The following SIRPG variants were observed in gnomAD, a reference collection of about 807,000 sequenced individuals.
SIRPG encodes the protein signal regulatory protein gamma, also known as signal-regulatory protein gamma.
SIRPG carries 38 observed loss-of-function variants against 35.7 expected under a neutral mutation model. The ratio of observed to expected loss-of-function variants is 1.06; its 90% CI spans 0.82 to 1.40. SIRPG has a LOEUF of 1.40. Ranked by LOEUF, SIRPG falls within the 40% of genes most tolerant of loss-of-function variation. SIRPG has a pLI of 0.00. For missense variants in SIRPG, 519 were observed against 483.0 expected (o/e 1.07, Z -0.70); for synonymous variants, 215 against 190.4 (o/e 1.13, Z -1.06).
intron 1 of SIRPG, among the ~76,000 whole-genome samples, chr20:1,654,236 T>TA (rs78737562): frequency 0.042 from 4,893 of 115,414 alleles, 118 homozygotes; most frequent in Middle Eastern, 0.088. Flanking sequence ...AGACTGCATC[T>TA]AAAAAAAAAA....
the SIRPG span, among the ~76,000 whole-genome samples, chr20:1,664,341 G>C: frequency 7.9e-5 from 12 of 152,110 alleles, no homozygotes; most frequent in African/African-American, 2.9e-4. Context: ...CTGGGATGGG[G>C]GTTCATTTGT....
chr20:1,634,461 C>T (rs2122423638), intron 4 of SIRPG, among the ~76,000 whole-genome samples: 1 of 151,514 alleles, frequency 6.6e-6, no homozygotes, highest in South Asian at 2.1e-4. Flanking sequence ...CCCGCCTCGG[C>T]CTCCCAAAGT....
chr20:1,668,491 C>T, the SIRPG span, among the ~76,000 whole-genome samples: 1 of 151,988 alleles, frequency 6.6e-6, no homozygotes, highest in Non-Finnish European at 1.5e-5. Context: ...ACCATGTTGG[C>T]CAGGCTGGTC....
chr20:1,651,713 A>G (rs2091941221), intron 1 of SIRPG, among the ~76,000 whole-genome samples: 1 of 151,986 alleles, frequency 6.6e-6, no homozygotes, highest in African/African-American at 2.4e-5. Flanking sequence ...TGGCTCCACA[A>G]TTTGAGAAGG....
At position 1,657,737 on chromosome 20, in the gene SIRPG, T is replaced by C. The variant is rs766261413; in HGVS notation, c.-23A>G. 1.1e-5 allele frequency: 18 copies of C among 1,611,220 alleles called. No individual in the cohort carries two copies. The East Asian group carries it at 4.0e-4, about 36-fold the overall frequency. ...CATTTTGGAGACCTCAGAAGCCTGC[T>C]CTGTTCAAACGTCTGTTCTGGGGAG... On this transcript the variant is annotated 5_prime_UTR_variant, in exon 1 of 6. Coordinates refer to ENST00000303415, the MANE Select transcript of SIRPG (RefSeq NM_018556.4).
At chr20:1,639,730 C>G (rs536935375) in intron 2 of SIRPG, among the ~76,000 whole-genome samples, 10 of 152,278 alleles carry the variant, frequency 6.6e-5, no homozygotes, top group Non-Finnish European at 1.3e-4. Flanking sequence ...CCTAGGTTTT[C>G]TTCTAGGGTT....
upstream of SIRPG, among the ~76,000 whole-genome samples, chr20:1,662,355 G>T (rs901519762): frequency 6.6e-6 from 1 of 152,126 alleles, no homozygotes; most frequent in Non-Finnish European, 1.5e-5. Flanking sequence ...TTTATCTCTG[G>T]GAGCTTGGTT....
intron 2 of SIRPG, among the ~76,000 whole-genome samples, chr20:1,643,225 T>C (rs2091868985): frequency 6.6e-6 from 1 of 152,222 alleles, no homozygotes; most frequent in African/African-American, 2.4e-5. Flanking sequence ...ATAGCTGTGA[T>C]CTTTTTACAT....
intron 1 of SIRPG, among the ~76,000 whole-genome samples, chr20:1,650,412 T>C (rs985850856): frequency 4.6e-5 from 7 of 151,964 alleles, no homozygotes; most frequent in African/African-American, 1.7e-4. Context: ...TGAGAAATTA[T>C]AAAAAGAAAT....
intron 2 of SIRPG, among the ~76,000 whole-genome samples, chr20:1,637,913 T>C (rs1458336294): frequency 6.6e-6 from 1 of 152,188 alleles, no homozygotes; most frequent in African/African-American, 2.4e-5. Context: ...TGCTAATTAT[T>C]ACCCTGCACC....
chr20:1,632,219 A>C (rs2091756539), intron 4 of SIRPG, among the ~76,000 whole-genome samples: 1 of 152,162 alleles, frequency 6.6e-6, no homozygotes, highest in Admixed American at 6.5e-5. Flanking sequence ...TATCTGTATA[A>C]AATATCCTCC....
At chr20:1,642,529 C>T (rs79731914) in intron 2 of SIRPG, among the ~76,000 whole-genome samples, 2,980 of 152,224 alleles carry the variant, frequency 0.02, 42 homozygotes, top group South Asian at 0.037. Context: ...TCCAATTTGC[C>T]TGTCTATGTC....
the SIRPG span, among the ~76,000 whole-genome samples, chr20:1,673,864 G>A: frequency 6.6e-6 from 1 of 152,182 alleles, no homozygotes; most frequent in Non-Finnish European, 1.5e-5. Flanking sequence ...AGGATTTGCT[G>A]GGATTTCAGT....
intron 2 of SIRPG, among the ~76,000 whole-genome samples, chr20:1,639,545 C>A (rs979583959): frequency 1.3e-5 from 2 of 152,038 alleles, no homozygotes; most frequent in Admixed American, 6.5e-5. Flanking sequence ...GGGTAAATTG[C>A]AAAAATTTTC....
At chr20:1,646,124 T>C (rs945495127) in intron 2 of SIRPG, 2 of 152,230 alleles carry the variant, frequency 1.3e-5, no homozygotes, top group African/African-American at 2.4e-5. Flanking sequence ...TGTGTCCCAG[T>C]GGGCACCTTC....
chr20:1,671,788 A>C, the SIRPG span, among the ~76,000 whole-genome samples: 7 of 152,240 alleles, frequency 4.6e-5, no homozygotes, highest in Non-Finnish European at 8.8e-5. Context: ...AGTTATCTGC[A>C]GCAGGAGCAT....
At chr20:1,674,962 T>A in the SIRPG span, among the ~76,000 whole-genome samples, 1 of 152,198 alleles carries the variant, frequency 6.6e-6, no homozygotes, top group East Asian at 1.9e-4. Flanking sequence ...CAAGCACTCA[T>A]GTCCATTAAC....
chr20:1,685,955 C>T, the SIRPG span, among the ~76,000 whole-genome samples: 1 of 152,190 alleles, frequency 6.6e-6, no homozygotes, highest in Non-Finnish European at 1.5e-5. Flanking sequence ...AAGGCTCCAG[C>T]CTCAAGGCTC....
At chr20:1,656,976 G>A (rs182154243) in intron 1 of SIRPG, among the ~76,000 whole-genome samples, 28 of 152,270 alleles carry the variant, frequency 1.8e-4, no homozygotes, top group Admixed American at 3.9e-4. Flanking sequence ...GGAGCACTAG[G>A]CATAAATGGG....
Sources: gnomAD v4.1 joint callset for allele counts (sites outside exome capture counted in the v4.1 genomes callset) on GRCh38, gnomAD v4.1.1 for gene constraint, MANE v1.5 for transcripts, NCBI Gene and HGNC (gene_info 2026-07-23, HGNC 2026-07-21) for gene names.